Variants in TRIM36 observed in about 807,000 individuals in gnomAD.
The protein encoded by TRIM36 is tripartite motif containing 36, also known as E3 ubiquitin-protein ligase TRIM36.
In TRIM36, 42 loss-of-function variants were observed where a neutral mutation model predicts 72.4. That is an observed-to-expected ratio of 0.58 (90% CI 0.45 to 0.75). The LOEUF is 0.75. Ranked by LOEUF, TRIM36 falls within the 30% of genes least tolerant of loss-of-function variation. TRIM36 has a pLI of 0.00. For synonymous variants in TRIM36, 315 were observed against 282.8 expected (o/e 1.11, Z -1.14); for missense variants, 913 against 857.1 (o/e 1.07, Z -0.81).
chr5:115,141,032 C>A (rs1753247675), intron 5 of TRIM36, among the ~76,000 whole-genome samples: 1 of 152,172 alleles, frequency 6.6e-6, no homozygotes, highest in African/African-American at 2.4e-5. Context: ...AGTTGCCACA[C>A]AAATAGTCAT....
chr5:115,175,462 T>G (rs889003260), intron 1 of TRIM36, among the ~76,000 whole-genome samples: 5 of 152,124 alleles, frequency 3.3e-5, no homozygotes, highest in Non-Finnish European at 5.9e-5. Flanking sequence ...CGCCCATAGA[T>G]TAAGTAATAT....
intron 1 of TRIM36, chr5:115,168,933 T>C (rs1054352188): frequency 1.8e-4 from 28 of 152,264 alleles, no homozygotes; most frequent in African/African-American, 6.5e-4. Flanking sequence ...TGAATCTGAC[T>C]TTTTAATCAC....
chr5:115,137,735 C>G (rs1753039737), intron 5 of TRIM36, 119 bp from the exon 6 acceptor site: 1 of 1,164,978 alleles, frequency 8.6e-7, no homozygotes, highest in East Asian at 2.5e-5. Context: ...GTGATGACAG[C>G]ATTATCAAAA....
intron 5 of TRIM36, 40 bp downstream of exon 5, chr5:115,141,239 T>C: frequency 1.5e-6 from 2 of 1,373,674 alleles, no homozygotes; most frequent in Non-Finnish European, 1.0e-6. Flanking sequence ...CTAGATAAAA[T>C]AACAATAATT....
At chr5:115,177,688 A>G (rs1755397915) in intron 1 of TRIM36, 1 of 1,612,522 alleles carries the variant, frequency 6.2e-7, no homozygotes, top group Admixed American at 1.7e-5. Context: ...TGAAATGGTT[A>G]GGAGCCTACT....
In TRIM36 at chr5:115,163,677, G is replaced by A; in HGVS notation, c.103C>T (p.Pro35Ser). Residue 35 changes from proline to serine, a missense_variant, in exon 2 of 10, where the codon CCT becomes TCT. Physicochemically the swap from Pro to Ser is moderately conservative, Grantham distance 74 (BLOSUM62 -1). Transcript: ENST00000513154. ...TTATGACAGATACTATGTTGGCAAG[G>A]GAGAATCAATGGGTGGGTAAACAGC... ...KELFTHPLIL[P>S]CQHSICHKCV... is the part of the protein sequence containing the mutation. The A allele has an allele frequency of 1.2e-6, 2 of 1,614,166 alleles. No homozygotes were observed. Among genetic ancestry groups the A allele is most frequent in the Non-Finnish European group, 1.7e-6 (2 of 1,180,034 alleles).
At position 115,134,825 on chromosome 5, in the gene TRIM36, C is replaced by T. The variant is rs1383449964; in HGVS notation, c.1211-678G>A. On this transcript the variant is annotated intron_variant, in intron 7 of 9. Coordinates refer to ENST00000513154, the MANE Select transcript of TRIM36 (RefSeq NM_001300759.2). ...AAAGTGCTGGGATTACAGGCATGAG[C>T]CACTGTGCCCGGCCTCTCAATGAAT... Among the ~76,000 whole-genome samples, 5 of 152,208 alleles carry T rather than the reference C, an allele frequency of 3.3e-5. No homozygotes were observed. In the East Asian group the frequency reaches 7.7e-4, roughly 23 times the overall value.
At position 115,147,305 on chromosome 5, in the gene TRIM36, T is replaced by G. The variant is rs1753645274; in HGVS notation, c.352A>C (p.Asn118His). 2 of 1,614,080 alleles carry G rather than the reference T, an allele frequency of 1.2e-6. No homozygotes were observed. The highest frequency in any genetic ancestry group is 1.7e-5 in the Admixed American group (1 of 60,004). Reference protein sequence around the residue: ...HDVDLGERGINGLFRNFTLET... With the variant: ...HDVDLGERGIHGLFRNFTLET... ...AAAGTGAAGTTTCGAAACAGACCAT[T>G]GATTCCTCGTTCTCCAAGATCCACA... The change falls in exon 3 of 10, where the codon AAT becomes CAT. Residue 118 changes from asparagine to histidine, a missense_variant. Transcript: ENST00000513154.
intron 2 of TRIM36, among the ~76,000 whole-genome samples, chr5:115,160,141 G>T (rs1179015214): frequency 6.6e-6 from 1 of 151,352 alleles, no homozygotes; most frequent in African/African-American, 2.4e-5. Context: ...GCTTTTATTT[G>T]TACATAATTT....
intron 5 of TRIM36, among the ~76,000 whole-genome samples, chr5:115,137,968 G>A (rs1362435758): frequency 6.6e-6 from 1 of 151,978 alleles, no homozygotes; most frequent in African/African-American, 2.4e-5. Flanking sequence ...ATCTTTCAGT[G>A]GTATATAAAG....
rs1752331684 is a variant in TRIM36, at chr5:115,125,661, T to C, written c.*842A>G. The C allele has an allele frequency of 6.6e-6, 1 of 152,126 alleles. No homozygotes were observed. The allele number at this position is 152,126 out of a possible 1,614,324, so 9.4% of individuals were successfully genotyped here. ...ATATGACTTTTAATATCAGTCCATC[T>C]TTACCAATATATCTGAAAAATAATT... On this transcript the variant is annotated 3_prime_UTR_variant, in exon 10 of 10. Transcript: ENST00000513154.
intron 5 of TRIM36, among the ~76,000 whole-genome samples, chr5:115,138,940 C>T (rs1038242022): frequency 1.8e-4 from 27 of 152,194 alleles, no homozygotes; most frequent in Admixed American, 2.6e-4. Flanking sequence ...CTCAGCCTCC[C>T]GAGTAGCTGG....
rs1754845266 is a variant in TRIM36, at chr5:115,167,439, G to C, written c.27+2169C>G. ...AATAGGTTTTTCCTTTCTACTCCAT[G>C]GTAAGGCTGCAAATTTTCCAAACTT... On this transcript the variant is annotated intron_variant, in intron 1 of 9. Transcript: ENST00000513154. Among the ~76,000 whole-genome samples, 4 of 152,176 alleles carry C rather than the reference G, an allele frequency of 2.6e-5. No individual in the cohort carries two copies. The South Asian group carries it at 8.3e-4, about 31-fold the overall frequency.
chr5:115,154,198 A>G (rs568621288), intron 2 of TRIM36, among the ~76,000 whole-genome samples: 1 of 145,822 alleles, frequency 6.9e-6, no homozygotes, highest in East Asian at 2.6e-4. Flanking sequence ...TGCTAAGACG[A>G]AAGTTCACAG....
chr5:115,126,332 C>G lies in TRIM36; in HGVS notation c.*171G>C. The G allele has an allele frequency of 1.7e-6, 1 of 574,438 alleles. No homozygotes were observed. The highest frequency in any genetic ancestry group is 3.0e-6 in the Non-Finnish European group (1 of 331,878). The allele number at this position is 574,438 out of a possible 1,614,324, so 35.6% of individuals were successfully genotyped here. On this transcript the variant is annotated 3_prime_UTR_variant, in exon 10 of 10. Coordinates refer to ENST00000513154, the MANE Select transcript of TRIM36 (RefSeq NM_001300759.2). Reference sequence around the variant, plus strand: ...CTTTCATCATTTGTGAAAGGCAGAACAACGACATGAAGACACAAGGCTGTT... The same window carrying G: ...CTTTCATCATTTGTGAAAGGCAGAAGAACGACATGAAGACACAAGGCTGTT...
rs562158078 is a variant in TRIM36, at chr5:115,147,876, A to G, written c.263-482T>C. ...AGAGGCCCAGGCAGATCCATGAACT[A>G]TTTGAAATTGTGCACAAAATATTCC... On this transcript the variant is annotated intron_variant, in intron 2 of 9. Coordinates refer to ENST00000513154, the MANE Select transcript of TRIM36 (RefSeq NM_001300759.2). 2.0e-5 allele frequency among the ~76,000 whole-genome samples: 3 copies of G among 152,344 alleles called. No homozygotes were observed. The South Asian group carries it at 6.2e-4, about 32-fold the overall frequency.
At chr5:115,152,666 T>C (rs943120799) in intron 2 of TRIM36, among the ~76,000 whole-genome samples, 4 of 152,162 alleles carry the variant, frequency 2.6e-5, no homozygotes, top group Admixed American at 2.6e-4. Context: ...ACAGCAGATT[T>C]CTCAGCAGAA....
upstream of TRIM36, among the ~76,000 whole-genome samples, chr5:115,170,568 T>G (rs1009583219): frequency 6.6e-6 from 1 of 152,170 alleles, no homozygotes; most frequent in Admixed American, 6.5e-5. Flanking sequence ...AGTTCTCTTC[T>G]GGCTTCACTT....
At chr5:115,140,078 G>A (rs1753195494) in intron 5 of TRIM36, among the ~76,000 whole-genome samples, 1 of 152,126 alleles carries the variant, frequency 6.6e-6, no homozygotes, top group East Asian at 1.9e-4. Flanking sequence ...ACCCCAAACT[G>A]CATGGAAAAA....
Sources: gnomAD v4.1 joint callset for allele counts (sites outside exome capture counted in the v4.1 genomes callset) on GRCh38, gnomAD v4.1.1 for gene constraint, MANE v1.5 for transcripts, NCBI Gene and HGNC (gene_info 2026-07-23, HGNC 2026-07-21) for gene names.